Variants in CYP2C18 observed in about 807,000 individuals in gnomAD.
CYP2C18 encodes cytochrome P450 family 2 subfamily C member 18.
In CYP2C18, 38 loss-of-function variants were observed where a neutral mutation model predicts 41.3. The observed-to-expected ratio is 0.92, with a 90% CI of 0.71 to 1.21. The LOEUF is 1.21. Ranked by LOEUF, CYP2C18 falls within the 50% of genes most tolerant of loss-of-function variation. CYP2C18 has a pLI of 0.00. For missense variants in CYP2C18, 635 were observed against 591.4 expected, an observed-to-expected ratio of 1.07 and a Z score of -0.77; for synonymous variants, 236 against 210.0, an observed-to-expected ratio of 1.12 and a Z score of -1.07.
chr10:94,719,835 A>C lies in CYP2C18; in HGVS notation c.820-561A>C, dbSNP rs1222804015. Among the ~76,000 whole-genome samples the C allele has an allele frequency of 2.0e-5, 3 of 151,962 alleles. No homozygotes were observed. In the East Asian group the frequency reaches 5.8e-4, roughly 29 times the overall value. ...GGTGACTGCCTGTCTTGGCCTCCCA[A>C]AGTGCTGGGATTACAGGCATGTGCC... On this transcript the variant is annotated intron_variant, in intron 5 of 8. Coordinates refer to ENST00000285979, the MANE Select transcript of CYP2C18 (RefSeq NM_000772.3).
rs780772590 is a variant in CYP2C18, at chr10:94,695,182, G to A, written c.642+105G>A. ...TTATACTTTAAGTTCTGGGATATGTGTGCAGAATGGGCAGGTTTGTCACAT... is the reference window on the plus strand; with the variant it reads ...TTATACTTTAAGTTCTGGGATATGTATGCAGAATGGGCAGGTTTGTCACAT... On this transcript the variant is annotated intron_variant, in intron 4 of 8. Coordinates refer to ENST00000285979, the MANE Select transcript of CYP2C18 (RefSeq NM_000772.3). 4.5e-5 allele frequency: 47 copies of A among 1,049,560 alleles called. No individual in the cohort carries two copies. The South Asian group carries it at 7.1e-4, about 16-fold the overall frequency. 65.0% of individuals were successfully genotyped at this position (1,049,560 alleles called of 1,614,324 possible).
intron 6 of CYP2C18, among the ~76,000 whole-genome samples, chr10:94,720,992 G>A (rs965633436): frequency 1.3e-5 from 2 of 152,014 alleles, no homozygotes; most frequent in African/African-American, 2.4e-5. Context: ...ACCACTTTGA[G>A]TAATAGATAT....
chr10:94,731,873 A>G (rs1847838759), intron 7 of CYP2C18, among the ~76,000 whole-genome samples: 1 of 152,128 alleles, frequency 6.6e-6, no homozygotes, highest in African/African-American at 2.4e-5. Flanking sequence ...CAAAAGAAAT[A>G]CCTAGGAAAC....
At chr10:94,727,021 G>A (rs1459259604) in intron 7 of CYP2C18, among the ~76,000 whole-genome samples, 1 of 152,084 alleles carries the variant, frequency 6.6e-6, no homozygotes, top group Non-Finnish European at 1.5e-5. Flanking sequence ...CACCGGAAGT[G>A]TAATGAATGC....
chr10:94,728,336 G>GT (rs1202148529), intron 7 of CYP2C18, among the ~76,000 whole-genome samples: 2 of 151,962 alleles, frequency 1.3e-5, no homozygotes, highest in African/African-American at 4.8e-5. Context: ...TTGTAAGCCT[G>GT]TATCTGCTAG....
chr10:94,708,598 T>A (rs1156976321), intron 5 of CYP2C18, among the ~76,000 whole-genome samples: 1 of 152,214 alleles, frequency 6.6e-6, no homozygotes, highest in African/African-American at 2.4e-5. Flanking sequence ...TTGAGTTTAA[T>A]TCACATATTG....
chr10:94,719,689 C>T (rs1847616425), intron 5 of CYP2C18, among the ~76,000 whole-genome samples: 1 of 151,898 alleles, frequency 6.6e-6, no homozygotes, highest in Non-Finnish European at 1.5e-5. Flanking sequence ...ATTCTTATGC[C>T]TCAGCCTTCC....
At chr10:94,731,366 T>G (rs1847829418) in intron 7 of CYP2C18, among the ~76,000 whole-genome samples, 1 of 149,740 alleles carries the variant, frequency 6.7e-6, no homozygotes, top group African/African-American at 2.5e-5. Context: ...GGTGACAGAG[T>G]GAGACTCTGT....
chr10:94,714,300 T>C (rs950337334), intron 5 of CYP2C18, among the ~76,000 whole-genome samples: 15 of 152,366 alleles, frequency 9.8e-5, no homozygotes, highest in African/African-American at 3.6e-4. Flanking sequence ...CTAGGGTTTT[T>C]ATGGTTTTAG....
intron 4 of CYP2C18, 67 bp downstream of exon 4, chr10:94,695,144 T>A (rs556017653): frequency 1.0e-4 from 143 of 1,402,756 alleles, no homozygotes; most frequent in South Asian, 8.0e-4. Flanking sequence ...CCAATTTTTT[T>A]AATTTTTTAA....
At chr10:94,714,658 T>C (rs978038195) in intron 5 of CYP2C18, among the ~76,000 whole-genome samples, 5 of 152,172 alleles carry the variant, frequency 3.3e-5, no homozygotes, top group Non-Finnish European at 5.9e-5. Context: ...CTTGGCAATG[T>C]GGGCTCTTTT....
At chr10:94,727,008 G>T (rs2134207880) in intron 7 of CYP2C18, among the ~76,000 whole-genome samples, 1 of 152,170 alleles carries the variant, frequency 6.6e-6, no homozygotes, top group South Asian at 2.1e-4. Flanking sequence ...GGTACCTATT[G>T]AGCACCGGAA....
At chr10:94,727,655 T>C (rs566109993) in intron 7 of CYP2C18, among the ~76,000 whole-genome samples, 2 of 152,050 alleles carry the variant, frequency 1.3e-5, no homozygotes, top group South Asian at 2.1e-4. Flanking sequence ...AGAAATATCA[T>C]GTATTCAATT....
At chr10:94,687,743 T>C in intron 1 of CYP2C18, 27 bp from the exon 2 acceptor site, 2 of 1,598,372 alleles carry the variant, frequency 1.3e-6, no homozygotes, top group Non-Finnish European at 1.7e-6. Context: ...GTTTTGCTAC[T>C]ATTTGAACCT....
chr10:94,694,346 T>C (rs1235666604), intron 3 of CYP2C18, among the ~76,000 whole-genome samples: 1 of 152,282 alleles, frequency 6.6e-6, no homozygotes, highest in Non-Finnish European at 1.5e-5. Flanking sequence ...TTGTGTTAAT[T>C]TGTGTTAGAT....
At chr10:94,721,786 G>C (rs535401257) in intron 6 of CYP2C18, among the ~76,000 whole-genome samples, 1 of 152,022 alleles carries the variant, frequency 6.6e-6, no homozygotes, top group Non-Finnish European at 1.5e-5. Context: ...CAAAAGACAC[G>C]ATTTCGTTCT....
intron 5 of CYP2C18, among the ~76,000 whole-genome samples, chr10:94,709,657 G>A (rs144568718): frequency 9.2e-5 from 14 of 151,974 alleles, no homozygotes; most frequent in South Asian, 4.1e-4. Context: ...TTTTTGTCAC[G>A]TTTAAGAAAT....
chr10:94,715,865 G>A (rs1041424799), intron 5 of CYP2C18, among the ~76,000 whole-genome samples: 4 of 152,130 alleles, frequency 2.6e-5, no homozygotes, highest in African/African-American at 7.2e-5. Context: ...TTCAGAGCCT[G>A]TGATTGGTCT....
chr10:94,712,352 C>A (rs972082234), intron 5 of CYP2C18, among the ~76,000 whole-genome samples: 2 of 151,902 alleles, frequency 1.3e-5, no homozygotes, highest in African/African-American at 4.8e-5. Context: ...CCTTTCCCCC[C>A]GCCCCCAAGC....
Sources: gnomAD v4.1 joint callset for allele counts (sites outside exome capture counted in the v4.1 genomes callset) on GRCh38, gnomAD v4.1.1 for gene constraint, MANE v1.5 for transcripts, NCBI Gene and HGNC (gene_info 2026-07-23, HGNC 2026-07-21) for gene names.